Variants in AVL9 observed in about 807,000 individuals in gnomAD.
The protein encoded by AVL9 is late secretory pathway protein AVL9 homolog.
In AVL9, 49 loss-of-function variants were observed where a neutral mutation model predicts 79.2. That is an observed-to-expected ratio of 0.62 (90% CI 0.49 to 0.79). AVL9 has a LOEUF of 0.79. AVL9 is among the 30% of genes least tolerant of loss of function. The pLI is 0.00. For synonymous variants in AVL9, 299 were observed against 280.6 expected, an observed-to-expected ratio of 1.07 and a Z score of -0.65; for missense variants, 682 against 776.8, an observed-to-expected ratio of 0.88 and a Z score of 1.45.
intron 10 of AVL9, among the ~76,000 whole-genome samples, chr7:32,567,708 T>TA (rs1358890564): frequency 2.6e-5 from 4 of 151,394 alleles, no homozygotes; most frequent in Admixed American, 2.0e-4. Flanking sequence ...TATTTTATTT[T>TA]TATTTATTTA....
At chr7:32,521,999 G>A (rs1418911616) in intron 1 of AVL9, among the ~76,000 whole-genome samples, 1 of 152,230 alleles carries the variant, frequency 6.6e-6, no homozygotes, top group African/African-American at 2.4e-5. Flanking sequence ...GTGCACAGAA[G>A]TCAAAGAATT....
intron 1 of AVL9, among the ~76,000 whole-genome samples, chr7:32,503,361 G>GAT (rs367803456): frequency 6.6e-5 from 8 of 121,508 alleles, no homozygotes; most frequent in African/African-American, 2.5e-4. Context: ...GATATAGAGA[G>GAT]ATATATATAT....
chr7:32,554,987 T>A (rs1789994707), intron 8 of AVL9, among the ~76,000 whole-genome samples: 1 of 152,186 alleles, frequency 6.6e-6, no homozygotes, highest in African/African-American at 2.4e-5. Context: ...GTAATTGGGT[T>A]ATTTGCTTCC....
At chr7:32,521,006 C>T (rs1056045716) in intron 1 of AVL9, among the ~76,000 whole-genome samples, 3 of 152,128 alleles carry the variant, frequency 2.0e-5, no homozygotes, top group African/African-American at 7.2e-5. Flanking sequence ...TTGCTCCTTC[C>T]TTATTTTCTC....
intron 1 of AVL9, among the ~76,000 whole-genome samples, chr7:32,529,918 C>A (rs187978113): frequency 6.6e-6 from 1 of 152,198 alleles, no homozygotes; most frequent in East Asian, 1.9e-4. Flanking sequence ...TGTCTTTTTT[C>A]TCTTAGTATT....
intron 10 of AVL9, among the ~76,000 whole-genome samples, chr7:32,569,062 T>C (rs1232285799): frequency 2.0e-5 from 3 of 152,220 alleles, no homozygotes; most frequent in African/African-American, 7.2e-5. Flanking sequence ...GAATAAAGAA[T>C]ATCAAGTTGC....
chr7:32,554,544 T>C lies in AVL9; in HGVS notation c.571-14T>C, dbSNP rs1386645956. ...TCTCTCATTTCAATACAACATTTTT[T>C]TTTCCTTTTGCAGGTCTTAATCCTA... On this transcript the variant is annotated splice_polypyrimidine_tract_variant and intron_variant, in intron 7 of 15. Coordinates refer to ENST00000318709, the MANE Select transcript of AVL9 (RefSeq NM_015060.3). 3 of 1,516,544 alleles carry C rather than the reference T, an allele frequency of 2.0e-6. No individual in the cohort carries two copies. The highest frequency in any genetic ancestry group is 1.9e-5 in the Admixed American group (1 of 51,732). The allele number at this position is 1,516,544 out of a possible 1,614,324, so 93.9% of individuals were successfully genotyped here.
intron 11 of AVL9, 77 bp downstream of exon 11, chr7:32,570,231 T>TA: frequency 6.5e-7 from 1 of 1,546,852 alleles, no homozygotes; most frequent in East Asian, 2.3e-5. Flanking sequence ...TATGAATACA[T>TA]AGTAACAACA....
intron 1 of AVL9, among the ~76,000 whole-genome samples, chr7:32,510,848 T>G (rs1018957367): frequency 2.3e-5 from 3 of 128,524 alleles, no homozygotes; most frequent in African/African-American, 8.7e-5. Context: ...CAGGGTGAGA[T>G]TCATGAGCCA....
At chr7:32,557,851 CTCTTTTTT>C (rs1562787019) in intron 8 of AVL9, among the ~76,000 whole-genome samples, 1 of 64,202 alleles carries the variant, frequency 1.6e-5, no homozygotes, top group African/African-American at 5.7e-5. Context: ...TTAGCTGTTA[CTCTTTTTT>C]TTTTTTTTTT....
chr7:32,519,302 C>T (rs986286525), intron 1 of AVL9, among the ~76,000 whole-genome samples: 7 of 152,174 alleles, frequency 4.6e-5, no homozygotes, highest in Middle Eastern at 3.4e-3. Flanking sequence ...GTGGCAGGCA[C>T]CTGTAATCCC....
chr7:32,530,918 T>C (rs1416673578), intron 1 of AVL9, among the ~76,000 whole-genome samples: 2 of 152,116 alleles, frequency 1.3e-5, no homozygotes, highest in Non-Finnish European at 2.9e-5. Flanking sequence ...ATCATGCCAC[T>C]GCACTCCAGC....
In AVL9 at chr7:32,495,758, C is replaced by T; in HGVS notation, c.49C>T (p.Leu17=). The change falls in exon 1 of 16, where the codon CTG becomes TTG. Residue 17 remains leucine, a synonymous_variant. Transcript: ENST00000318709. ...GGATGGCGTCCCCCGGGGGCCCGTA[C>T]TGCACATCGTGGTGGTCGGATTTCA... ...GGDGVPRGPV[L]HIVVVGFHHK... The T allele has an allele frequency of 3.2e-6, 4 of 1,260,644 alleles. No individual in the cohort carries two copies. The highest frequency in any genetic ancestry group is 4.0e-6 in the Non-Finnish European group (4 of 992,656). 78.1% of individuals were successfully genotyped at this position (1,260,644 alleles called of 1,614,324 possible). A position where few individuals can be genotyped will look rare whatever the true frequency, so the allele number is the denominator to read the frequency against.
chr7:32,513,424 A>G lies in AVL9; in HGVS notation c.93+17622A>G, dbSNP rs552863664. Among the ~76,000 whole-genome samples the G allele has an allele frequency of 7.2e-5, 11 of 152,360 alleles. No individual in the cohort carries two copies. The South Asian group carries it at 1.0e-3, about 14-fold the overall frequency. ...CCTGATACTTGGAGGCTTCATCTGCATGATAAAACCTCCGCAACCCCTTGT... is the reference window on the plus strand; with the variant it reads ...CCTGATACTTGGAGGCTTCATCTGCGTGATAAAACCTCCGCAACCCCTTGT... On this transcript the variant is annotated intron_variant, in intron 1 of 15. Transcript: ENST00000318709.
At chr7:32,576,233 C>A (rs561006803) in intron 13 of AVL9, among the ~76,000 whole-genome samples, 161 bp downstream of exon 13, 5 of 152,302 alleles carry the variant, frequency 3.3e-5, no homozygotes, top group African/African-American at 7.2e-5. Context: ...AGCTTAGAAA[C>A]TGCTTCCATA....
intron 1 of AVL9, among the ~76,000 whole-genome samples, chr7:32,526,350 G>A (rs1364874929): frequency 2.6e-5 from 4 of 152,140 alleles, no homozygotes; most frequent in Admixed American, 2.0e-4. Flanking sequence ...AGGGGCCGTC[G>A]TCCAAGGCTC....
intron 13 of AVL9, 70 bp from the exon 14 acceptor site, chr7:32,580,149 T>A: frequency 1.6e-6 from 2 of 1,229,234 alleles, no homozygotes; most frequent in Non-Finnish European, 2.4e-6. Flanking sequence ...ACTAATATTT[T>A]CTTGTGATAA....
At position 32,580,211 on chromosome 7, in the gene AVL9, T is replaced by C. The variant is rs1157808136; in HGVS notation, c.1689-8T>C. On this transcript the variant is annotated splice_region_variant and splice_polypyrimidine_tract_variant and intron_variant, in intron 13 of 15. Transcript: ENST00000318709. ...TACTGATAGTTTAAACTCAAACTTT[T>C]TTTACAGCCATCCATTTCAAGGCCA... 1 of 1,609,950 alleles carries C rather than the reference T, an allele frequency of 6.2e-7. No individual in the cohort carries two copies. The highest frequency in any genetic ancestry group is 1.1e-5 in the South Asian group (1 of 90,376).
intron 10 of AVL9, among the ~76,000 whole-genome samples, chr7:32,567,748 C>T (rs1186219960): frequency 6.6e-6 from 1 of 150,542 alleles, no homozygotes; most frequent in African/African-American, 2.4e-5. Flanking sequence ...GAGTTTTGCC[C>T]TTGTCACCCA....
Sources: allele counts gnomAD v4.1 joint callset (sites outside exome capture counted in the v4.1 genomes callset), GRCh38; gene constraint gnomAD v4.1.1; transcripts MANE v1.5; gene names NCBI Gene and HGNC (gene_info 2026-07-23, HGNC 2026-07-21).